The following ZBTB11 variants were observed in gnomAD, a reference collection of about 807,000 sequenced individuals.
ZBTB11 encodes the protein zinc finger and BTB domain containing 11.
ZBTB11 carries 68 observed loss-of-function variants against 113.1 expected under a neutral mutation model. The observed-to-expected ratio is 0.60, with a 90% CI of 0.49 to 0.74. The LOEUF (loss-of-function observed/expected upper bound fraction) is 0.74, where lower values mean the gene tolerates loss of function less well. ZBTB11 is among the 30% of genes least tolerant of loss of function. The pLI, the probability that ZBTB11 is intolerant of heterozygous loss-of-function variation, is 0.00. For synonymous variants in ZBTB11, 518 were observed against 452.6 expected (o/e 1.14, Z -1.83); for missense variants, 1,104 against 1,279.4 (o/e 0.86, Z 2.09).
intron 7 of ZBTB11, 52 bp from the exon 8 acceptor site, chr3:101,654,873 T>C: frequency 6.7e-7 from 1 of 1,500,900 alleles, no homozygotes; most frequent in South Asian, 1.2e-5. Flanking sequence ...AGTCCTCTTT[T>C]AACAGAATTT....
chr3:101,664,688 T>C lies in ZBTB11; in HGVS notation c.1650A>G (p.Gly550=), dbSNP rs34399678. ...QQVAQKLVQR[G]KKMKQPKRDA... Reference sequence around the variant, plus strand: ...CTCTTTTTGGCTGTTTCATCTTTTTTCCTCTTTGAACTAACTTCTGAGCCA... The same window carrying C: ...CTCTTTTTGGCTGTTTCATCTTTTTCCCTCTTTGAACTAACTTCTGAGCCA... Residue 550 remains glycine, a synonymous_variant, in exon 5 of 11, where the codon GGA becomes GGG. Transcript: ENST00000312938. 1 of 1,609,590 alleles carries C rather than the reference T, an allele frequency of 6.2e-7. No homozygotes were observed. Among genetic ancestry groups the C allele is most frequent in the Non-Finnish European group, 8.5e-7 (1 of 1,178,900 alleles).
At position 101,677,075 on chromosome 3, in the gene ZBTB11, G is replaced by A. The variant is rs892831327; in HGVS notation, c.-161C>T. The A allele has an allele frequency of 4.7e-5, 37 of 793,630 alleles. No individual in the cohort carries two copies. The African/African-American group carries it at 5.4e-4, about 12-fold the overall frequency. 49.2% of individuals were successfully genotyped at this position (793,630 alleles called of 1,614,324 possible). Reference sequence around the variant, plus strand: ...CTCCCTTAGTCCGAAGGAAAAGCGGGCGAGTTGGTAACCAGGGGGAACTGC... The same window carrying A: ...CTCCCTTAGTCCGAAGGAAAAGCGGACGAGTTGGTAACCAGGGGGAACTGC... On this transcript the variant is annotated 5_prime_UTR_variant, in exon 1 of 11. Transcript: ENST00000312938.
chr3:101,668,552 C>A (rs1439678216), intron 3 of ZBTB11, among the ~76,000 whole-genome samples: 1 of 151,238 alleles, frequency 6.6e-6, no homozygotes, highest in Admixed American at 6.6e-5. Flanking sequence ...TTGCTTGAGC[C>A]CAAAAGTTGC....
At chr3:101,653,548 G>A (rs1057122331) in intron 8 of ZBTB11, among the ~76,000 whole-genome samples, 1 of 152,148 alleles carries the variant, frequency 6.6e-6, no homozygotes, top group Non-Finnish European at 1.5e-5. Flanking sequence ...CAGACTCCTA[G>A]ACTTTATATT....
chr3:101,660,092 C>A, intron 5 of ZBTB11, 64 bp from the exon 6 acceptor site: 1 of 1,513,912 alleles, frequency 6.6e-7, no homozygotes, highest in Admixed American at 1.9e-5. Context: ...TGAAACTCAA[C>A]TCATATTTGG....
At chr3:101,653,445 A>G (rs1936740752) in intron 8 of ZBTB11, among the ~76,000 whole-genome samples, 1 of 152,218 alleles carries the variant, frequency 6.6e-6, no homozygotes, top group Non-Finnish European at 1.5e-5. Flanking sequence ...TTGAGAGGAT[A>G]TGAGACTGAA....
At chr3:101,676,456 C>A (rs1576655437) in intron 1 of ZBTB11, 149 bp downstream of exon 1, 1 of 818,336 alleles carries the variant, frequency 1.2e-6, no homozygotes. Context: ...CTTTCGCGTC[C>A]CCCACCCTCT....
In ZBTB11 at chr3:101,665,131, T is replaced by G; in HGVS notation, c.1456A>C (p.Asn486His). 5.6e-6 allele frequency: 9 copies of G among 1,614,174 alleles called. No homozygotes were observed. Among genetic ancestry groups the G allele is most frequent in the Non-Finnish European group, 7.6e-6 (9 of 1,180,032 alleles). ...GTCTTTGCTGTTGATGCAACTAGAT[T>G]TTCCTGATCTTTTAAAGGTTGGTCA... Reference protein sequence around the residue: ...KVDQPLKDQENLVASTAKTDF... With the variant: ...KVDQPLKDQEHLVASTAKTDF... The change falls in exon 4 of 11, where the codon AAT (asparagine) becomes CAT (histidine). Residue 486 changes from asparagine to histidine, a missense_variant. This residue lies in a region of ZBTB11 where 535 missense variants were observed against 518.6 expected (regional missense o/e 1.03). Transcript: ENST00000312938.
At chr3:101,663,460 G>A (rs944969248) in intron 5 of ZBTB11, among the ~76,000 whole-genome samples, 5 of 152,182 alleles carry the variant, frequency 3.3e-5, no homozygotes, top group South Asian at 2.1e-4. Flanking sequence ...AAAATTCACT[G>A]GAATTTCCAT....
rs1001451266 is a variant in ZBTB11, at chr3:101,660,822, T to C, written c.1801-794A>G. On this transcript the variant is annotated intron_variant, in intron 5 of 10. Transcript: ENST00000312938. The stretch of plus-strand genomic sequence containing the variant: ...ACATACAGTACACTGTAATTCTTTT[T>C]CCTTTCTTGCTTTTTGTTTTATTTC... Among the ~76,000 whole-genome samples, 59 of 152,228 alleles carry C rather than the reference T, an allele frequency of 3.9e-4. 3 individuals are homozygous for C. The highest frequency in any genetic ancestry group is 1.5e-5 in the Non-Finnish European group (1 of 68,032).
At chr3:101,669,905 C>T (rs1426480438) in intron 3 of ZBTB11, among the ~76,000 whole-genome samples, 1 of 151,730 alleles carries the variant, frequency 6.6e-6, no homozygotes, top group African/African-American at 2.4e-5. Context: ...CTCAGCTCAC[C>T]GCAACGTCCA....
intron 5 of ZBTB11, among the ~76,000 whole-genome samples, chr3:101,663,260 C>G (rs952105432): frequency 2.0e-5 from 3 of 152,036 alleles, no homozygotes; most frequent in African/African-American, 7.2e-5. Flanking sequence ...TTTGTAGAGA[C>G]AGGGTTTCAC....
intron 1 of ZBTB11, among the ~76,000 whole-genome samples, chr3:101,673,463 T>C (rs898586746): frequency 6.6e-5 from 10 of 152,092 alleles, no homozygotes; most frequent in African/African-American, 2.2e-4. Flanking sequence ...AGGTATGGTA[T>C]AGAGAATATT....
intron 8 of ZBTB11, among the ~76,000 whole-genome samples, chr3:101,654,484 T>C (rs911414929): frequency 6.6e-6 from 1 of 152,230 alleles, no homozygotes; most frequent in South Asian, 2.1e-4. Flanking sequence ...TTCCAGGTAG[T>C]ACATTTGAAA....
chr3:101,662,670 A>T, intron 5 of ZBTB11, among the ~76,000 whole-genome samples: 1 of 152,136 alleles, frequency 6.6e-6, no homozygotes, highest in Non-Finnish European at 1.5e-5. Flanking sequence ...TTGTAAACGT[A>T]ATTTTTTCAT....
chr3:101,649,374 CTTAAT>C lies in ZBTB11; in HGVS notation c.*1787_*1791del, dbSNP rs1160849672. 6.6e-6 allele frequency: 1 copy of C among 152,144 alleles called. No individual in the cohort carries two copies. The highest frequency in any genetic ancestry group is 1.9e-4 in the East Asian group (1 of 5,200). The allele number at this position is 152,144 out of a possible 1,614,324, so 9.4% of individuals were successfully genotyped here. On this transcript the variant is annotated 3_prime_UTR_variant, in exon 11 of 11. Coordinates refer to ENST00000312938, the MANE Select transcript of ZBTB11 (RefSeq NM_014415.4). ...TCCTTTCCCTTTAAAAATAAATTAA[CTTAAT>C]AACACATCAAGTAACAACTGATTTA... is the stretch of plus-strand genomic sequence containing the variant.
chr3:101,659,427 CT>C (rs1936850153), intron 6 of ZBTB11, among the ~76,000 whole-genome samples: 1 of 152,172 alleles, frequency 6.6e-6, no homozygotes, highest in African/African-American at 2.4e-5. Flanking sequence ...TTAGGCAGGA[CT>C]TTTACGGACC....
intron 1 of ZBTB11, 45 bp downstream of exon 1, chr3:101,676,560 G>A: frequency 2.1e-6 from 3 of 1,443,830 alleles, no homozygotes; most frequent in South Asian, 1.5e-5. Flanking sequence ...CCTTGCCCAG[G>A]CAACGAGTCG....
intron 10 of ZBTB11, 80 bp from the exon 11 acceptor site, chr3:101,651,763 T>C: frequency 7.2e-7 from 1 of 1,392,670 alleles, no homozygotes; most frequent in Non-Finnish European, 9.5e-7. Flanking sequence ...AACTTCCTTT[T>C]ATTAAAAAGT....
Sources: gnomAD v4.1 joint callset for allele counts (sites outside exome capture counted in the v4.1 genomes callset) on GRCh38, gnomAD v4.1.1 for gene constraint, gnomAD v4.1.1 regional missense constraint, MANE v1.5 for transcripts, NCBI Gene and HGNC (gene_info 2026-07-23, HGNC 2026-07-21) for gene names.